The following ULK4 variants were observed in gnomAD, a reference collection of about 807,000 sequenced individuals.
The protein encoded by ULK4 is inactive serine/threonine-protein kinase ULK4.
In ULK4, 133 loss-of-function variants were observed where a neutral mutation model predicts 160.6. The observed-to-expected ratio is 0.83, with a 90% CI of 0.72 to 0.96. ULK4 has a LOEUF of 0.96. Ranked by LOEUF, ULK4 falls within the 40% of genes least tolerant of loss-of-function variation. ULK4 has a pLI of 0.00. For missense variants in ULK4, 1,580 were observed against 1,499.5 expected, an observed-to-expected ratio of 1.05 and a Z score of -0.89; for synonymous variants, 534 against 539.8, an observed-to-expected ratio of 0.99 and a Z score of 0.15.
intron 32 of ULK4, among the ~76,000 whole-genome samples, chr3:41,548,446 C>T (rs1332417386): frequency 6.6e-6 from 1 of 152,136 alleles, no homozygotes; most frequent in East Asian, 1.9e-4. Flanking sequence ...ACATAGCCTA[C>T]CTGCCACCAG....
At chr3:41,916,150 T>C (rs1163349724) in intron 7 of ULK4, 98 bp from the exon 8 acceptor site, 39 of 718,514 alleles carry the variant, frequency 5.4e-5, no homozygotes. Context: ...AATAGTATTT[T>C]AAACACATAC....
chr3:41,740,702 C>T (rs2038212870), intron 22 of ULK4, among the ~76,000 whole-genome samples: 1 of 152,024 alleles, frequency 6.6e-6, no homozygotes, highest in South Asian at 2.1e-4. Flanking sequence ...CAAAGGTCAT[C>T]CTGGGCTACC....
At chr3:41,892,842 A>G (rs1039068379) in intron 16 of ULK4, among the ~76,000 whole-genome samples, 5 of 151,906 alleles carry the variant, frequency 3.3e-5, no homozygotes, top group Non-Finnish European at 7.4e-5. Context: ...CCTCTTCCTC[A>G]CCCTTCCTTG....
intron 27 of ULK4, among the ~76,000 whole-genome samples, chr3:41,695,617 T>C (rs1253727466): frequency 1.3e-5 from 2 of 152,128 alleles, no homozygotes; most frequent in Non-Finnish European, 2.9e-5. Context: ...AAGTCATTGA[T>C]AAAAACAGGA....
At chr3:41,419,292 A>G (rs6780145) in intron 34 of ULK4, among the ~76,000 whole-genome samples, 87,538 of 151,958 alleles carry the variant, frequency 0.58, 26,824 homozygotes, top group African/African-American at 0.81. Context: ...CACTGAATGT[A>G]CAAGGAGAGG....
At chr3:41,289,883 G>GTA (rs2079528903) in intron 35 of ULK4, among the ~76,000 whole-genome samples, 3 of 152,028 alleles carry the variant, frequency 2.0e-5, no homozygotes, top group African/African-American at 7.3e-5. Context: ...ATGTGTGTGT[G>GTA]TGTGTATGTG....
intron 16 of ULK4, among the ~76,000 whole-genome samples, chr3:41,884,178 G>A (rs2148771622): frequency 6.6e-6 from 1 of 152,248 alleles, no homozygotes; most frequent in African/African-American, 2.4e-5. Flanking sequence ...TACTGCAACA[G>A]CGACAAAATT....
chr3:41,731,118 TA>T (rs2037807229), intron 22 of ULK4, among the ~76,000 whole-genome samples: 3 of 151,978 alleles, frequency 2.0e-5, no homozygotes, highest in Admixed American at 2.0e-4. Flanking sequence ...GCTTTTCCTC[TA>T]AATTTAGAAC....
intron 14 of ULK4, among the ~76,000 whole-genome samples, chr3:41,897,971 A>G (rs1417542287): frequency 6.6e-6 from 1 of 152,158 alleles, no homozygotes; most frequent in Non-Finnish European, 1.5e-5. Context: ...AAATGTAATA[A>G]TTATCCCTTA....
intron 17 of ULK4, among the ~76,000 whole-genome samples, chr3:41,858,157 T>TG (rs2042410836): frequency 1.4e-5 from 2 of 143,430 alleles, no homozygotes; most frequent in South Asian, 4.5e-4. Flanking sequence ...GTTTTTTTTT[T>TG]TTTTTTTTTT....
At chr3:41,431,890 C>T (rs1240208236) in intron 34 of ULK4, among the ~76,000 whole-genome samples, 1 of 150,426 alleles carries the variant, frequency 6.6e-6, no homozygotes, top group Admixed American at 6.6e-5. Context: ...CTCGGGTTCA[C>T]GCCATTCTCC....
At chr3:41,362,102 C>T (rs1004670975) in intron 35 of ULK4, among the ~76,000 whole-genome samples, 2 of 152,158 alleles carry the variant, frequency 1.3e-5, no homozygotes, top group African/African-American at 2.4e-5. Context: ...GCCCACTTTT[C>T]AGTTGTGTCA....
intron 31 of ULK4, among the ~76,000 whole-genome samples, chr3:41,611,300 G>T (rs985808443): frequency 6.6e-6 from 1 of 152,090 alleles, no homozygotes; most frequent in African/African-American, 2.4e-5. Context: ...CTCACCCAGG[G>T]GGCTCTGCTT....
chr3:41,350,959 A>C (rs1191540694), intron 35 of ULK4, among the ~76,000 whole-genome samples: 1 of 152,214 alleles, frequency 6.6e-6, no homozygotes. Context: ...AAAAGGGACT[A>C]CAGGACCTTG....
At chr3:41,713,997 G>A (rs1261964395) in intron 25 of ULK4, among the ~76,000 whole-genome samples, 2 of 151,986 alleles carry the variant, frequency 1.3e-5, no homozygotes, top group Non-Finnish European at 2.9e-5. Context: ...AATAATCCAA[G>A]GTGGGTTACC....
chr3:41,868,490 T>G (rs1696976955), intron 17 of ULK4, among the ~76,000 whole-genome samples: 2 of 152,128 alleles, frequency 1.3e-5, no homozygotes, highest in Admixed American at 1.3e-4. Flanking sequence ...TAGGTTTTTG[T>G]TTTTGTTTTT....
At chr3:41,396,430 G>A (rs957609818) in intron 35 of ULK4, among the ~76,000 whole-genome samples, 2 of 152,008 alleles carry the variant, frequency 1.3e-5, no homozygotes, top group African/African-American at 4.8e-5. Flanking sequence ...CCAAGCTTCT[G>A]ACATTCTCTA....
intron 29 of ULK4, among the ~76,000 whole-genome samples, chr3:41,665,776 T>C (rs1358948352): frequency 6.6e-6 from 1 of 152,158 alleles, no homozygotes; most frequent in Admixed American, 6.5e-5. Flanking sequence ...AAGACACAAC[T>C]TAGCATACTG....
At chr3:41,264,226 C>T (rs935726736) in intron 35 of ULK4, among the ~76,000 whole-genome samples, 1 of 152,192 alleles carries the variant, frequency 6.6e-6, no homozygotes, top group Non-Finnish European at 1.5e-5. Flanking sequence ...CAGGGACCAG[C>T]TGGAAGCCAG....
Sources: allele counts gnomAD v4.1 joint callset (sites outside exome capture counted in the v4.1 genomes callset), GRCh38; gene constraint gnomAD v4.1.1; transcripts MANE v1.5; gene names NCBI Gene and HGNC (gene_info 2026-07-23, HGNC 2026-07-21).